Variants in OSBPL6 observed in about 807,000 individuals in gnomAD.
OSBPL6 encodes the protein oxysterol binding protein like 6.
A neutral mutation model predicts 125.8 loss-of-function variants in OSBPL6; 49 were observed. The observed-to-expected ratio is 0.39, with a 90% CI of 0.31 to 0.49. The LOEUF is 0.49. Among genes scored for constraint, OSBPL6 ranks in the 20% least tolerant of loss-of-function variants. OSBPL6 has a pLI of 0.88. For missense variants in OSBPL6, 986 were observed against 1,135.4 expected (o/e 0.87, Z 1.89); for synonymous variants, 394 against 391.8 (o/e 1.01, Z -0.07).
intron 2 of OSBPL6, among the ~76,000 whole-genome samples, chr2:178,287,942 G>A (rs767524216): frequency 6.9e-6 from 1 of 144,910 alleles, no homozygotes; most frequent in Non-Finnish European, 1.5e-5. Context: ...AGGAGCTGTT[G>A]TTGACATATG....
intron 15 of OSBPL6, among the ~76,000 whole-genome samples, chr2:178,380,625 G>A (rs1391050062): frequency 1.3e-5 from 2 of 152,024 alleles, no homozygotes; most frequent in African/African-American, 2.4e-5. Flanking sequence ...GAGCAATTTG[G>A]CAACATGGAA....
At chr2:178,221,090 CTCTT>C (rs1342804221) in intron 1 of OSBPL6, among the ~76,000 whole-genome samples, 4 of 152,180 alleles carry the variant, frequency 2.6e-5, no homozygotes, top group Non-Finnish European at 5.9e-5. Flanking sequence ...GGTAAAGAGG[CTCTT>C]TGTTTCCCCC....
intron 11 of OSBPL6, among the ~76,000 whole-genome samples, chr2:178,341,255 G>A (rs747149643): frequency 1.3e-5 from 2 of 151,694 alleles, no homozygotes; most frequent in South Asian, 4.2e-4. Flanking sequence ...TGGATAGGTT[G>A]GTTCTCAGTG....
intron 15 of OSBPL6, among the ~76,000 whole-genome samples, 175 bp downstream of exon 15, chr2:178,374,202 A>C (rs1225543995): frequency 6.6e-6 from 1 of 152,196 alleles, no homozygotes; most frequent in African/African-American, 2.4e-5. Flanking sequence ...ATGAGTTCCC[A>C]ATTACTGAGC....
At position 178,306,143 on chromosome 2, in the gene OSBPL6, G is replaced by A; in HGVS notation, c.-42G>A. 1.7e-6 allele frequency: 2 copies of A among 1,168,562 alleles called. No individual in the cohort carries two copies. Among genetic ancestry groups the A allele is most frequent in the Non-Finnish European group, 2.6e-6 (2 of 781,488 alleles). The allele number at this position is 1,168,562 out of a possible 1,614,324, so 72.4% of individuals were successfully genotyped here. A position where few individuals can be genotyped will look rare whatever the true frequency, so the allele number is the denominator to read the frequency against. On this transcript the variant is annotated 5_prime_UTR_variant, in exon 3 of 25. An upstream open reading frame in the 5' UTR gains an earlier in-frame stop. Transcript: ENST00000190611. ...TTGTTTGTGGATTTGAGAGAAGATT[G>A]GGATGGTCTTAAGTGCATAAAACGA... is the stretch of plus-strand genomic sequence containing the variant.
At chr2:178,368,130 A>T (rs544190998) in intron 13 of OSBPL6, among the ~76,000 whole-genome samples, 1 of 152,224 alleles carries the variant, frequency 6.6e-6, no homozygotes, top group African/African-American at 2.4e-5. Flanking sequence ...TTATAGAAAC[A>T]TGGTATTATT....
At chr2:178,364,008 C>T (rs961007574) in intron 13 of OSBPL6, among the ~76,000 whole-genome samples, 3 of 152,194 alleles carry the variant, frequency 2.0e-5, no homozygotes, top group East Asian at 3.9e-4. Context: ...CATCTATTCC[C>T]GTCACCTCTA....
chr2:178,225,190 CT>C (rs1434237027), intron 1 of OSBPL6, among the ~76,000 whole-genome samples: 1 of 151,208 alleles, frequency 6.6e-6, no homozygotes, highest in Non-Finnish European at 1.5e-5. Context: ...GAAAGCCTCT[CT>C]AGAGAGCAGT....
intron 3 of OSBPL6, among the ~76,000 whole-genome samples, chr2:178,322,469 A>G (rs1688325980): frequency 6.6e-6 from 1 of 152,150 alleles, no homozygotes; most frequent in Non-Finnish European, 1.5e-5. Flanking sequence ...TCTTTCTAGA[A>G]TATAAGCATC....
At position 178,395,532 on chromosome 2, in the gene OSBPL6, C is replaced by G. The variant is rs1441737635; in HGVS notation, c.2778C>G (p.Ser926Arg). 2 of 1,613,126 alleles carry G rather than the reference C, an allele frequency of 1.2e-6. No individual in the cohort carries two copies. Among genetic ancestry groups the G allele is most frequent in the Non-Finnish European group, 1.7e-6 (2 of 1,179,322 alleles). ...YWELRKDPGF[S>R]KVDSPVLW ...AGCTTCGAAAGGACCCTGGGTTTAG[C>G]AAAGTAGACAGCCCTGTTCTTTGGT... is the stretch of plus-strand genomic sequence containing the variant. The change falls in exon 25 of 25, where the codon AGC (serine) becomes AGG (arginine). Residue 926 changes from serine to arginine, a missense_variant. Ser to Arg is a moderately radical substitution (Grantham distance 110). Transcript: ENST00000190611.
At chr2:178,206,966 G>A (rs13029471) in intron 1 of OSBPL6, among the ~76,000 whole-genome samples, 26 of 151,692 alleles carry the variant, frequency 1.7e-4, no homozygotes, top group Admixed American at 3.3e-4. Context: ...TTTAGGTCTC[G>A]CTGTGTTTCC....
chr2:178,383,153 C>T lies in OSBPL6; in HGVS notation c.1751C>T (p.Ser584Phe). 6.2e-7 allele frequency: 1 copy of T among 1,614,182 alleles called. No homozygotes were observed. The highest frequency in any genetic ancestry group is 1.6e-4 in the Middle Eastern group (1 of 6,062). The change falls in exon 17 of 25, where the codon TCT (serine) becomes TTT (phenylalanine). Residue 584 changes from serine (S) to phenylalanine (F), a missense_variant. Coordinates refer to ENST00000190611, the MANE Select transcript of OSBPL6 (RefSeq NM_032523.4). ...AGGAACAACATTGGTAAAGACCTGT[C>T]TAAAGTCTCTATGCCTGTGGAGCTA... ...ILRNNIGKDLSKVSMPVELNE... is the reference protein window; with the variant it reads ...ILRNNIGKDLFKVSMPVELNE...
intron 15 of OSBPL6, among the ~76,000 whole-genome samples, chr2:178,376,183 C>T (rs1334143201): frequency 3.3e-5 from 5 of 152,104 alleles, no homozygotes; most frequent in Non-Finnish European, 7.4e-5. Context: ...ACCTGTTAGA[C>T]ACTGACACCT....
At chr2:178,208,713 T>A (rs2089677323) in intron 1 of OSBPL6, among the ~76,000 whole-genome samples, 1 of 23,260 alleles carries the variant, frequency 4.3e-5, no homozygotes, top group Non-Finnish European at 1.2e-4. Flanking sequence ...TCCCCTCCCA[T>A]CCTTTTCCTT....
intron 9 of OSBPL6, 108 bp downstream of exon 9, chr2:178,336,541 C>T (rs757524212): frequency 1.6e-5 from 20 of 1,263,218 alleles, no homozygotes; most frequent in African/African-American, 1.5e-4. Context: ...TTGCCTTGAT[C>T]GTCTTGACCT....
chr2:178,261,393 G>GAA (rs778259031), intron 1 of OSBPL6, among the ~76,000 whole-genome samples: 22 of 102,334 alleles, frequency 2.1e-4, no homozygotes, highest in Non-Finnish European at 2.9e-4. Flanking sequence ...CATTATAATT[G>GAA]AAAAAAAAAA....
intron 2 of OSBPL6, among the ~76,000 whole-genome samples, chr2:178,298,340 G>T (rs988877596): frequency 6.6e-6 from 1 of 152,210 alleles, no homozygotes; most frequent in Non-Finnish European, 1.5e-5. Context: ...GGACATGGTT[G>T]TACAGTATCT....
intron 1 of OSBPL6, among the ~76,000 whole-genome samples, chr2:178,215,628 C>T (rs1361831585): frequency 2.6e-5 from 4 of 151,778 alleles, no homozygotes; most frequent in East Asian, 3.9e-4. Context: ...AGCCCTCTCT[C>T]GGGGAGTGTC....
chr2:178,312,138 C>G lies in OSBPL6; in HGVS notation c.102+5852C>G, dbSNP rs560601548. ...CTGGGACTACAGGCGAGCACCACCA[C>G]GCCCAGCTGATTTTTGTAATTTTTT... On this transcript the variant is annotated intron_variant, in intron 3 of 24. Transcript: ENST00000190611. Among the ~76,000 whole-genome samples, 23 of 149,584 alleles carry G rather than the reference C, an allele frequency of 1.5e-4. 1 individual carries two copies. In the South Asian group the frequency reaches 2.6e-3, roughly 17 times the overall value.
Sources: allele counts gnomAD v4.1 joint callset (sites outside exome capture counted in the v4.1 genomes callset), GRCh38; gene constraint gnomAD v4.1.1; transcripts MANE v1.5; gene names NCBI Gene and HGNC (gene_info 2026-07-23, HGNC 2026-07-21).